The following KDM4C variants were observed in gnomAD, a reference collection of about 807,000 sequenced individuals.
KDM4C encodes the protein lysine-specific demethylase 4C.
Under a neutral mutation model 129.3 loss-of-function variants are expected in KDM4C, and 81 were observed. That is an observed-to-expected ratio of 0.63 (90% CI 0.52 to 0.75). The LOEUF (loss-of-function observed/expected upper bound fraction) is 0.75. KDM4C is among the 30% of genes least tolerant of loss of function. The probability of loss-of-function intolerance (pLI) is 0.00; values close to 1 mark genes in which losing one functional copy is unlikely to be tolerated. For missense variants in KDM4C, 1,457 were observed against 1,304.0 expected, an observed-to-expected ratio of 1.12 and a Z score of -1.81; for synonymous variants, 573 against 456.1, an observed-to-expected ratio of 1.26 and a Z score of -3.26.
intron 17 of KDM4C, among the ~76,000 whole-genome samples, chr9:7,083,532 T>C (rs1264506081): frequency 6.6e-6 from 1 of 152,196 alleles, no homozygotes; most frequent in Admixed American, 6.5e-5. Flanking sequence ...CTAGCCTTCA[T>C]GGGGCTGCTA....
At chr9:6,955,005 A>G (rs917184269) in intron 8 of KDM4C, among the ~76,000 whole-genome samples, 2 of 152,216 alleles carry the variant, frequency 1.3e-5, no homozygotes, top group Non-Finnish European at 2.9e-5. Context: ...ACTCTTTATT[A>G]GTTTGCTAAC....
At chr9:7,161,398 C>T (rs990847789) in intron 19 of KDM4C, among the ~76,000 whole-genome samples, 1 of 152,198 alleles carries the variant, frequency 6.6e-6, no homozygotes, top group African/African-American at 2.4e-5. Flanking sequence ...GCAGAGATCA[C>T]CCGTCTTTTG....
chr9:6,805,142 G>A (rs148340723), intron 2 of KDM4C, among the ~76,000 whole-genome samples: 4,605 of 152,124 alleles, frequency 0.03, 211 homozygotes, highest in African/African-American at 0.11. Flanking sequence ...GTGGTGATCC[G>A]CCTGCCTCGG....
chr9:6,948,464 T>TC (rs912453186), intron 8 of KDM4C, among the ~76,000 whole-genome samples: 1 of 151,540 alleles, frequency 6.6e-6, no homozygotes, highest in African/African-American at 2.4e-5. Context: ...CCTCATTTTT[T>TC]TTTTTTTTTT....
chr9:6,920,028 C>T (rs1025155172), intron 8 of KDM4C, among the ~76,000 whole-genome samples: 1 of 152,172 alleles, frequency 6.6e-6, no homozygotes, highest in African/African-American at 2.4e-5. Context: ...TTCACTAAGT[C>T]TGTGGCATTG....
intron 1 of KDM4C, among the ~76,000 whole-genome samples, chr9:6,735,872 A>T (rs1481371843): frequency 1.3e-5 from 2 of 152,188 alleles, no homozygotes; most frequent in East Asian, 3.8e-4. Flanking sequence ...TCAGAAGAAG[A>T]CAGGAAAATG....
At chr9:6,841,614 C>G (rs1055728148) in intron 4 of KDM4C, among the ~76,000 whole-genome samples, 3 of 152,170 alleles carry the variant, frequency 2.0e-5, no homozygotes, top group Non-Finnish European at 4.4e-5. Context: ...GAGTGAAGAA[C>G]ATCTTCACGT....
At chr9:6,933,761 A>G (rs144132068) in intron 8 of KDM4C, among the ~76,000 whole-genome samples, 1 of 152,188 alleles carries the variant, frequency 6.6e-6, no homozygotes, top group Admixed American at 6.5e-5. Flanking sequence ...AGATACTGTG[A>G]GGGCAAAGAT....
chr9:7,047,961 C>G (rs956305419), intron 16 of KDM4C, among the ~76,000 whole-genome samples: 2 of 152,012 alleles, frequency 1.3e-5, no homozygotes, highest in Non-Finnish European at 1.5e-5. Flanking sequence ...GCACATGTTT[C>G]TGATTGCTGG....
intron 17 of KDM4C, among the ~76,000 whole-genome samples, chr9:7,079,538 T>G (rs1026497723): frequency 6.6e-6 from 1 of 152,194 alleles, no homozygotes; most frequent in Non-Finnish European, 1.5e-5. Flanking sequence ...GCCAGGCTGG[T>G]CTTGAACTCC....
chr9:7,129,082 G>T (rs1840339663), intron 19 of KDM4C, among the ~76,000 whole-genome samples: 1 of 152,124 alleles, frequency 6.6e-6, no homozygotes, highest in Non-Finnish European at 1.5e-5. Flanking sequence ...AGTTTGGGGA[G>T]CTGACCCTTA....
exon 1 of KDM4C, chr9:6,720,996 A>G: frequency 6.4e-7 from 1 of 1,551,020 alleles, no homozygotes; most frequent in Non-Finnish European, 8.7e-7. Flanking sequence ...AAGCAGCTGC[A>G]GGTGAGTGCT....
At chr9:6,989,516 A>G (rs1818350527) in intron 11 of KDM4C, among the ~76,000 whole-genome samples, 1 of 152,204 alleles carries the variant, frequency 6.6e-6, no homozygotes, top group African/African-American at 2.4e-5. Flanking sequence ...CCAGGACAAA[A>G]AAATCATTGG....
At chr9:6,753,142 C>G (rs1224350170), upstream of KDM4C, among the ~76,000 whole-genome samples, 1 of 152,202 alleles carries the variant, frequency 6.6e-6, no homozygotes, top group Non-Finnish European at 1.5e-5. Flanking sequence ...AAATCCTAAT[C>G]CTTATCAGGA....
chr9:6,921,192 C>G (rs1183880627), intron 8 of KDM4C, among the ~76,000 whole-genome samples: 1 of 152,132 alleles, frequency 6.6e-6, no homozygotes, highest in Non-Finnish European at 1.5e-5. Flanking sequence ...ACCTTATGAT[C>G]AAATTCAGTC....
chr9:7,151,793 A>G (rs1387075807), intron 19 of KDM4C, among the ~76,000 whole-genome samples: 1 of 152,206 alleles, frequency 6.6e-6, no homozygotes, highest in Non-Finnish European at 1.5e-5. Context: ...CCAGAGCCTG[A>G]AATTACAGGG....
chr9:6,903,279 T>TATCAACAATA, intron 8 of KDM4C, among the ~76,000 whole-genome samples: 1 of 152,238 alleles, frequency 6.6e-6, no homozygotes, highest in Non-Finnish European at 1.5e-5. Context: ...TTGTTGATTA[T>TATCAACAATA]TGAAATAGCA....
intron 8 of KDM4C, chr9:6,925,445 TC>T: frequency 1.2e-6 from 1 of 824,812 alleles, no homozygotes; most frequent in Non-Finnish European, 1.4e-6. Flanking sequence ...CTTTTCCTCT[TC>T]CCCCTTCCCC....
At chr9:7,156,236 G>A (rs1379450940) in intron 19 of KDM4C, among the ~76,000 whole-genome samples, 1 of 152,144 alleles carries the variant, frequency 6.6e-6, no homozygotes, top group Non-Finnish European at 1.5e-5. Flanking sequence ...TGAGTTCTTT[G>A]TAGATTCTGG....
Sources: gnomAD v4.1 joint callset for allele counts (sites outside exome capture counted in the v4.1 genomes callset) on GRCh38, gnomAD v4.1.1 for gene constraint, MANE v1.5 for transcripts, NCBI Gene and HGNC (gene_info 2026-07-23, HGNC 2026-07-21) for gene names.